KIF26B: variants seen among roughly 807,000 people sequenced by gnomAD.
KIF26B encodes kinesin-like protein KIF26B.
In KIF26B, 63 loss-of-function variants were observed where a neutral mutation model predicts 151.2. That is an observed-to-expected ratio of 0.42 (90% confidence interval 0.34 to 0.51). The LOEUF is 0.51. Ranked by LOEUF, KIF26B falls within the 20% of genes least tolerant of loss-of-function variation. KIF26B has a pLI of 0.07. For synonymous variants in KIF26B, 1,357 were observed against 1,262.1 expected (o/e 1.08, Z -1.59); for missense variants, 2,813 against 2,913.6 (o/e 0.97, Z 0.79).
Position 245,597,351 on chromosome 1 carries a change from C to T in KIF26B, c.1351-5226C>T, listed in dbSNP as rs566014506. Among the ~76,000 whole-genome samples the T allele has an allele frequency of 5.2e-4, 79 of 152,276 alleles. No homozygotes were observed. The highest frequency in any genetic ancestry group is 1.7e-3 in the African/African-American group (72 of 41,542). On this transcript the variant is annotated intron_variant, in intron 5 of 14. Transcript: ENST00000407071. This position sits in a 1 kb window ranked among gnomAD's most constrained non-coding sequence, Gnocchi z 4.6. Reference sequence around the variant, plus strand: ...TGGTGACAAAATCTCTCAGCATTTGCCTGTCTGTAAGGGATTTTATTTCTC... The same window carrying T: ...TGGTGACAAAATCTCTCAGCATTTGTCTGTCTGTAAGGGATTTTATTTCTC...
chr1:245,226,464 T>A (rs1669876261), intron 2 of KIF26B, among the ~76,000 whole-genome samples: 1 of 152,160 alleles, frequency 6.6e-6, no homozygotes, highest in South Asian at 2.1e-4. Flanking sequence ...ACCTCTTTTT[T>A]TTTTTGTTTT....
chr1:245,172,434 CT>C (rs1166177001), intron 2 of KIF26B, among the ~76,000 whole-genome samples: 1 of 152,148 alleles, frequency 6.6e-6, no homozygotes, highest in Admixed American at 6.5e-5. Flanking sequence ...GGTGAGGAAT[CT>C]CATAGCTAGA....
chr1:245,688,659 C>A lies in KIF26B; in HGVS notation c.5676C>A (p.Ser1892Arg). The A allele has an allele frequency of 1.2e-6, 2 of 1,603,832 alleles. No individual in the cohort carries two copies. The highest frequency in any genetic ancestry group is 1.7e-6 in the Non-Finnish European group (2 of 1,176,634). Residue 1892 changes from serine to arginine, a missense_variant, in exon 12 of 15, where the codon AGC (serine) becomes AGA (arginine). Ser to Arg is a moderately radical substitution (Grantham distance 110, BLOSUM62 -1). Transcript: ENST00000407071. ...GGAAGACGGCCCTGTTCTACCACAG[C>A]GGCGGCAGCAGCGGCTACGAGAGCG... ...AMGKTALFYH[S>R]GGSSGYESVM...
intron 4 of KIF26B, among the ~76,000 whole-genome samples, chr1:245,428,113 T>A (rs1433397324): frequency 2.6e-5 from 4 of 152,144 alleles, no homozygotes; most frequent in Non-Finnish European, 5.9e-5. Flanking sequence ...AGGACATAGA[T>A]CTTTGAAGGG....
At chr1:245,527,524 C>CTTTGTTTTTTTTTTTT (rs1661263931) in intron 4 of KIF26B, among the ~76,000 whole-genome samples, 1 of 50,710 alleles carries the variant, frequency 2.0e-5, no homozygotes, top group Non-Finnish European at 3.2e-5. Context: ...TTTGGGATGG[C>CTTTGTTTTTTTTTTTT]TTTTTTTTTT....
intron 5 of KIF26B, among the ~76,000 whole-genome samples, chr1:245,558,616 G>A (rs1046092769): frequency 4.6e-5 from 7 of 152,230 alleles, no homozygotes; most frequent in African/African-American, 1.7e-4. Flanking sequence ...GGACAAGGAA[G>A]GTGCTAGATA....
chr1:245,441,223 C>A (rs1659070471), intron 4 of KIF26B, among the ~76,000 whole-genome samples: 1 of 152,114 alleles, frequency 6.6e-6, no homozygotes, highest in Non-Finnish European at 1.5e-5. Context: ...ACACCCCTGC[C>A]AATCACCAGG....
chr1:245,514,583 G>T (rs1450895925), intron 4 of KIF26B, among the ~76,000 whole-genome samples: 1 of 151,840 alleles, frequency 6.6e-6, no homozygotes, highest in East Asian at 1.9e-4. Context: ...ATATAATGAA[G>T]GTTTTTAAAA....
chr1:245,569,927 ATTTTTTT>A (rs869238168), intron 5 of KIF26B, among the ~76,000 whole-genome samples: 7 of 47,652 alleles, frequency 1.5e-4, no homozygotes, highest in East Asian at 9.1e-4. Context: ...TAAATAGAGA[ATTTTTTT>A]TTTTTTTTTT....
At chr1:245,596,777 T>C (rs1244207420) in intron 5 of KIF26B, among the ~76,000 whole-genome samples, 1 of 152,198 alleles carries the variant, frequency 6.6e-6, no homozygotes, top group Non-Finnish European at 1.5e-5. Flanking sequence ...TAAATCTCTT[T>C]GTAGGTCTCT....
chr1:245,274,127 C>A (rs1410166484), intron 2 of KIF26B, among the ~76,000 whole-genome samples: 1 of 152,136 alleles, frequency 6.6e-6, no homozygotes, highest in Non-Finnish European at 1.5e-5. Context: ...CATACAAAAT[C>A]TATATGCTTT....
chr1:245,242,741 T>C (rs1167273044), intron 2 of KIF26B, among the ~76,000 whole-genome samples: 1 of 152,152 alleles, frequency 6.6e-6, no homozygotes, highest in East Asian at 1.9e-4. Flanking sequence ...ATCCTCTGTC[T>C]CCCGGGTTCA....
intron 2 of KIF26B, among the ~76,000 whole-genome samples, chr1:245,200,257 A>G (rs1031823849): frequency 6.6e-6 from 1 of 152,236 alleles, no homozygotes; most frequent in Admixed American, 6.5e-5. Flanking sequence ...AGCACACAGC[A>G]TTCAACCAGG....
In KIF26B at chr1:245,512,602, C is replaced by A. The variant is rs1164376006; in HGVS notation, c.1167-28165C>A. 1.3e-5 allele frequency among the ~76,000 whole-genome samples: 2 copies of A among 152,136 alleles called. No individual in the cohort carries two copies. Among genetic ancestry groups the A allele is most frequent in the African/African-American group, 4.8e-5 (2 of 41,414 alleles). ...GATCAGCCTAAACCCAAATGAAATCCCCAAACTCCACTCGGATTCCTGCTG... is the reference window on the plus strand; with the variant it reads ...GATCAGCCTAAACCCAAATGAAATCACCAAACTCCACTCGGATTCCTGCTG... On this transcript the variant is annotated intron_variant, in intron 4 of 14. Coordinates refer to ENST00000407071, the MANE Select transcript of KIF26B (RefSeq NM_018012.4). This position sits in a 1 kb window ranked among gnomAD's most constrained non-coding sequence, Gnocchi z 4.3.
At chr1:245,486,739 C>A (rs1660289198) in intron 4 of KIF26B, among the ~76,000 whole-genome samples, 1 of 152,092 alleles carries the variant, frequency 6.6e-6, no homozygotes, top group African/African-American at 2.4e-5. Context: ...GCAACAATCA[C>A]AGCTCACTGC....
intron 3 of KIF26B, among the ~76,000 whole-genome samples, chr1:245,405,127 G>C (rs2103028904): frequency 6.6e-6 from 1 of 152,326 alleles, no homozygotes; most frequent in Middle Eastern, 3.4e-3. Flanking sequence ...CTGGTGACGA[G>C]ATTAGGATCA....
Position 245,686,907 on chromosome 1 carries a change from G to A in KIF26B, c.3924G>A (p.Glu1308=). The change falls in exon 12 of 15, where the codon GAG becomes GAA. Residue 1308 remains glutamate, a synonymous_variant. Transcript: ENST00000407071. The surrounding 1 kb of genome is among the most constrained non-coding windows in gnomAD (Gnocchi z 5.6). ...CCCAGACGTGTTTTGGGCACGGGGA[G>A]GCAATGGCAGAACCTGTGGCCTCGG... ...FIAQTCFGHG[E]AMAEPVASEF... 1 of 1,613,362 alleles carries A rather than the reference G, an allele frequency of 6.2e-7. No homozygotes were observed. The highest frequency in any genetic ancestry group is 8.5e-7 in the Non-Finnish European group (1 of 1,179,754).
chr1:245,384,387 A>G lies in KIF26B; in HGVS notation c.999+17020A>G, dbSNP rs143055626. Among the ~76,000 whole-genome samples, 477 of 152,338 alleles carry G rather than the reference A, an allele frequency of 3.1e-3. 2 individuals are homozygous for G. The highest frequency in any genetic ancestry group is 0.011 in the African/African-American group (468 of 41,574). On this transcript the variant is annotated intron_variant, in intron 3 of 14. Transcript: ENST00000407071. Reference sequence around the variant, plus strand: ...TGTCTTAATGCATTCAAGCTTCATAACATTCCTATGAAGTAAATTATTCCC... The same window carrying G: ...TGTCTTAATGCATTCAAGCTTCATAGCATTCCTATGAAGTAAATTATTCCC...
intron 4 of KIF26B, among the ~76,000 whole-genome samples, chr1:245,505,684 A>G (rs1199888028): frequency 6.6e-6 from 1 of 152,204 alleles, no homozygotes; most frequent in African/African-American, 2.4e-5. Flanking sequence ...TGCGGCTCAT[A>G]CATAAAGCAT....
Sources: gnomAD v4.1 joint callset for allele counts (sites outside exome capture counted in the v4.1 genomes callset) on GRCh38, gnomAD v4.1.1 for gene constraint, Gnocchi (gnomAD v3.1) non-coding constraint, MANE v1.5 for transcripts, NCBI Gene and HGNC (gene_info 2026-07-23, HGNC 2026-07-21) for gene names.